GATA5: variants seen among roughly 807,000 people sequenced by gnomAD.
GATA5 encodes the protein transcription factor GATA-5.
In GATA5, 27 loss-of-function variants were observed where a neutral mutation model predicts 35.0. The ratio of observed to expected loss-of-function variants is 0.77; its 90% CI spans 0.57 to 1.06. GATA5 has a LOEUF of 1.06. Among genes scored for constraint, GATA5 ranks in the 50% least tolerant of loss-of-function variants. The probability of loss-of-function intolerance (pLI) is 0.00; values close to 1 mark genes in which losing one functional copy is unlikely to be tolerated. For synonymous variants in GATA5, 306 were observed against 267.8 expected (o/e 1.14, Z -1.39); for missense variants, 612 against 580.0 (o/e 1.06, Z -0.57).
chr20:62,469,250 C>T (rs577993039), intron 3 of GATA5, among the ~76,000 whole-genome samples: 149 of 152,344 alleles, frequency 9.8e-4, no homozygotes, highest in African/African-American at 3.4e-3. Context: ...TCCTTTGTCT[C>T]CTGCAGTATT....
intron 6 of GATA5, 113 bp from the exon 7 acceptor site, chr20:62,465,104 G>C: frequency 1.0e-6 from 1 of 995,148 alleles, no homozygotes; most frequent in Non-Finnish European, 1.5e-6. Context: ...TGCCCTTAGG[G>C]ACCCCCTGAT....
chr20:62,471,448 T>TTTTTTTTTTTTTTTTG lies in GATA5; in HGVS notation c.699+1954_699+1955insCAAAAAAAAAAAAAAA, dbSNP rs1216745509. Among the ~76,000 whole-genome samples the TTTTTTTTTTTTTTTTG allele has an allele frequency of 4.7e-4, 67 of 142,350 alleles. 2 individuals carry two copies. Among genetic ancestry groups the TTTTTTTTTTTTTTTTG allele is most frequent in the Middle Eastern group, 3.5e-3 (1 of 288 alleles). The allele number at this position is 142,350 out of a possible 152,430, so 93.4% of individuals were successfully genotyped here. A position where few individuals can be genotyped will look rare whatever the true frequency, so the allele number is the denominator to read the frequency against. ...TCAATTACAATTTTTTTTTTTTTTT[T>TTTTTTTTTTTTTTTTG]TGTGATGAGGTCTTGCTCTGTTGCC... is the stretch of plus-strand genomic sequence containing the variant. On this transcript the variant is annotated intron_variant, in intron 3 of 6. Transcript: ENST00000252997.
Position 62,464,427 on chromosome 20 carries a change from A to C in GATA5, c.*409T>G. ...CTTGGCCTCAGGTGCTTCACTGGGAATCTTGGTTTTACACTGGGAGGTTGA... is the reference window on the plus strand; with the variant it reads ...CTTGGCCTCAGGTGCTTCACTGGGACTCTTGGTTTTACACTGGGAGGTTGA... On this transcript the variant is annotated 3_prime_UTR_variant, in exon 7 of 7. Transcript: ENST00000252997. 6.5e-6 allele frequency: 1 copy of C among 154,196 alleles called. No individual in the cohort carries two copies. 9.6% of individuals were successfully genotyped at this position (154,196 alleles called of 1,614,324 possible).
chr20:62,474,950 C>T (rs782144157), intron 2 of GATA5, 49 bp downstream of exon 2: 11 of 1,264,088 alleles, frequency 8.7e-6, no homozygotes, highest in Non-Finnish European at 7.0e-6. Flanking sequence ...GGTTTGCACC[C>T]GGATTCGGCC....
Position 62,475,149 on chromosome 20 carries a change from G to T in GATA5, c.373C>A (p.Gln125Lys). 7.5e-7 allele frequency: 1 copy of T among 1,330,206 alleles called. No homozygotes were observed. The highest frequency in any genetic ancestry group is 9.6e-7 in the Non-Finnish European group (1 of 1,036,530). The allele number at this position is 1,330,206 out of a possible 1,614,324, so 82.4% of individuals were successfully genotyped here. ...AYQGALLPRE[Q>K]FAAPLGRPVG... is the part of the protein sequence containing the mutation. ...GGCCGCCCAAGCGGGGCCGCGAACT[G>T]TTCTCGAGGCAACAGCGCGCCCTGG... The change falls in exon 2 of 7, where the codon CAG (glutamine) becomes AAG (lysine). Residue 125 changes from glutamine to lysine, a missense_variant. Transcript: ENST00000252997.
In GATA5 at chr20:62,475,438, G is replaced by A. The variant is rs1989834810; in HGVS notation, c.84C>T (p.Ala28=). The A allele has an allele frequency of 2.2e-6, 3 of 1,357,918 alleles. No individual in the cohort carries two copies. Among genetic ancestry groups the A allele is most frequent in the South Asian group, 1.9e-5 (1 of 52,316 alleles). 84.1% of individuals were successfully genotyped at this position (1,357,918 alleles called of 1,614,324 possible). The change falls in exon 2 of 7, where the codon GCC becomes GCT. Residue 28 remains alanine (A), a synonymous_variant. Transcript: ENST00000252997. ...DSGSFLHAPG[A]GSPMFVPPAR... is the part of the protein sequence containing the mutation. ...CCGGCGGCACAAACATCGGAGAGCC[G>A]GCGCCCGGAGCGTGCAGGAAGGAGC...
intron 2 of GATA5, 72 bp from the exon 3 acceptor site, chr20:62,473,650 C>A: frequency 1.4e-6 from 2 of 1,433,612 alleles, no homozygotes; most frequent in Non-Finnish European, 1.9e-6. Flanking sequence ...TGGGCCGGCA[C>A]CCTCCCCTCC....
At chr20:62,471,230 G>C (rs1555896504) in intron 3 of GATA5, among the ~76,000 whole-genome samples, 1 of 152,036 alleles carries the variant, frequency 6.6e-6, no homozygotes, top group African/African-American at 2.4e-5. Flanking sequence ...GAGTGTCCCG[G>C]TGCTCAGTTC....
At chr20:62,472,891 C>T (rs1989756537) in intron 3 of GATA5, among the ~76,000 whole-genome samples, 1 of 152,212 alleles carries the variant, frequency 6.6e-6, no homozygotes, top group Non-Finnish European at 1.5e-5. Context: ...AGAAAGTGCT[C>T]CCCGAGGGGA....
chr20:62,475,986 G>A lies in GATA5; in HGVS notation c.-78C>T. The A allele has an allele frequency of 6.6e-6, 1 of 151,584 alleles. No homozygotes were observed. Among genetic ancestry groups the A allele is most frequent in the South Asian group, 2.0e-4 (1 of 5,000 alleles). 9.4% of individuals were successfully genotyped at this position (151,584 alleles called of 1,614,324 possible). A position where few individuals can be genotyped will look rare whatever the true frequency, so the allele number is the denominator to read the frequency against. On this transcript the variant is annotated 5_prime_UTR_variant, in exon 1 of 7. Transcript: ENST00000252997. ...GTGGCGGTGGGTCGGCGACCGGCGG[G>A]CCGAAGACTGGAAGCCCGGGCCGCT...
In GATA5 at chr20:62,471,432, A is replaced by ATTTTTTTTTTTTTTTTTT. The variant is rs574764628; in HGVS notation, c.699+1970_699+1971insAAAAAAAAAAAAAAAAAA. Among the ~76,000 whole-genome samples, 762 of 81,612 alleles carry ATTTTTTTTTTTTTTTTTT rather than the reference A, an allele frequency of 9.3e-3. 139 individuals are homozygous for ATTTTTTTTTTTTTTTTTT. Among genetic ancestry groups the ATTTTTTTTTTTTTTTTTT allele is most frequent in the African/African-American group, 0.011 (222 of 20,434 alleles). 53.5% of individuals were successfully genotyped at this position (81,612 alleles called of 152,430 possible). On this transcript the variant is annotated intron_variant, in intron 3 of 6. Transcript: ENST00000252997. ...TAAAGAGAAGTTAATTTCAATTACA[A>ATTTTTTTTTTTTTTTTTT]TTTTTTTTTTTTTTTTTGTGATGAG...
chr20:62,472,252 A>T (rs1460796926), intron 3 of GATA5, among the ~76,000 whole-genome samples: 3 of 151,910 alleles, frequency 2.0e-5, no homozygotes, highest in African/African-American at 7.3e-5. Flanking sequence ...AGCTCCAAGG[A>T]AGAGAAGTGA....
At position 62,472,316 on chromosome 20, in the gene GATA5, C is replaced by T. The variant is rs1010672137; in HGVS notation, c.699+1087G>A. Among the ~76,000 whole-genome samples, 7 of 152,226 alleles carry T rather than the reference C, an allele frequency of 4.6e-5. No individual in the cohort carries two copies. The East Asian group carries it at 9.6e-4, about 21-fold the overall frequency. ...CCCACCACCTGCTCCACTGGGACCT[C>T]CCACGCTCAGGTCCTGGTCCCCCAC... On this transcript the variant is annotated intron_variant, in intron 3 of 6. Transcript: ENST00000252997.
rs1003854456 is a variant in GATA5 at position 62,465,930 on chromosome 20, G to A, written c.826-9C>T. ...GCCAGAGGCCGCGGCACCTGGCAGG[G>A]GTGGCGAGGGTGGAGGCTGGTCCCA... On this transcript the variant is annotated splice_polypyrimidine_tract_variant and intron_variant, in intron 4 of 6. Coordinates refer to ENST00000252997, the MANE Select transcript of GATA5 (RefSeq NM_080473.5). 15 of 1,569,362 alleles carry A rather than the reference G, an allele frequency of 9.6e-6. No homozygotes were observed. In the African/African-American group the frequency reaches 1.5e-4, roughly 16 times the overall value.
At chr20:62,467,846 G>A (rs1989628419) in intron 3 of GATA5, among the ~76,000 whole-genome samples, 1 of 152,246 alleles carries the variant, frequency 6.6e-6, no homozygotes, top group Non-Finnish European at 1.5e-5. Context: ...CGAGGGCTGA[G>A]CAGACACAGC....
chr20:62,475,185 C>T lies in GATA5; in HGVS notation c.337G>A (p.Gly113Ser). The T allele has an allele frequency of 7.9e-7, 1 of 1,268,862 alleles. No homozygotes were observed. The highest frequency in any genetic ancestry group is 1.0e-6 in the Non-Finnish European group (1 of 1,004,678). The allele number at this position is 1,268,862 out of a possible 1,614,324, so 78.6% of individuals were successfully genotyped here. A position where few individuals can be genotyped will look rare whatever the true frequency, so the allele number is the denominator to read the frequency against. ...AACAGCGCGCCCTGGTAGGCACTGC[C>T]GTCTCGGCCCCCCGCGCTGCCGCCG... Reference protein sequence around the residue: ...GSGGSAGGRDGSAYQGALLPR... With the variant: ...GSGGSAGGRDSSAYQGALLPR... The change falls in exon 2 of 7, where the codon GGC becomes AGC. Residue 113 changes from glycine (G) to serine (S), a missense_variant. Gly to Ser is a moderately conservative substitution (Grantham distance 56). Coordinates refer to ENST00000252997, the MANE Select transcript of GATA5 (RefSeq NM_080473.5).
Position 62,466,504 on chromosome 20 carries a change from G to A in GATA5, c.747C>T (p.Thr249=). 6.4e-7 allele frequency: 1 copy of A among 1,566,946 alleles called. No individual in the cohort carries two copies. Among genetic ancestry groups the A allele is most frequent in the Non-Finnish European group, 8.7e-7 (1 of 1,155,992 alleles). ...AGTTCCGCCGCCACAGCGTGGTGTTGGTCGTGTGGCAGTTGGTGCAGCAGA... is the reference window on the plus strand; with the variant it reads ...AGTTCCGCCGCCACAGCGTGGTGTTAGTCGTGTGGCAGTTGGTGCAGCAGA... ...AGLCCTNCHT[T]NTTLWRRNSE... Residue 249 remains threonine, a synonymous_variant, in exon 4 of 7, where the codon ACC becomes ACT. Transcript: ENST00000252997.
intron 3 of GATA5, 131 bp from the exon 4 acceptor site, chr20:62,466,682 G>T: frequency 2.0e-6 from 2 of 1,011,452 alleles, no homozygotes; most frequent in African/African-American, 1.6e-5. Context: ...CTCTGCAATG[G>T]CCTCGCCTGG....
At chr20:62,475,602 C>T in intron 1 of GATA5, 60 bp from the exon 2 acceptor site, 1 of 1,122,104 alleles carries the variant, frequency 8.9e-7, no homozygotes, top group African/African-American at 1.6e-5. Context: ...CGCCAGCGCC[C>T]GAGCTTATGC....
Sources: gnomAD v4.1 joint callset for allele counts (sites outside exome capture counted in the v4.1 genomes callset) on GRCh38, gnomAD v4.1.1 for gene constraint, MANE v1.5 for transcripts, NCBI Gene and HGNC (gene_info 2026-07-23, HGNC 2026-07-21) for gene names.